Variants in OSBPL1A observed in about 807,000 individuals in gnomAD.
OSBPL1A encodes oxysterol-binding protein-related protein 1.
OSBPL1A carries 80 observed loss-of-function variants against 137.1 expected under a neutral mutation model. That is an observed-to-expected ratio of 0.58 (90% CI 0.49 to 0.70). OSBPL1A has a LOEUF of 0.70. Among genes scored for constraint, OSBPL1A ranks in the 30% least tolerant of loss-of-function variants. OSBPL1A has a pLI of 0.00. For missense variants in OSBPL1A, 970 were observed against 1,129.4 expected (o/e 0.86, Z 2.02); for synonymous variants, 365 against 389.7 (o/e 0.94, Z 0.75).
At chr18:24,224,051 T>C (rs1415433435) in intron 17 of OSBPL1A, among the ~76,000 whole-genome samples, 3 of 152,220 alleles carry the variant, frequency 2.0e-5, no homozygotes, top group African/African-American at 7.2e-5. Flanking sequence ...ATTATAAGCA[T>C]GTTTGGAGGA....
intron 1 of OSBPL1A, among the ~76,000 whole-genome samples, chr18:24,387,539 A>C (rs2144273090): frequency 6.6e-6 from 1 of 152,282 alleles, no homozygotes; most frequent in East Asian, 1.9e-4. Flanking sequence ...CAAAGAAAGA[A>C]ACTACTAATA....
At chr18:24,196,100 T>C (rs749331303) in intron 18 of OSBPL1A, 25 bp downstream of exon 18, 1 of 1,553,132 alleles carries the variant, frequency 6.4e-7, no homozygotes, top group South Asian at 1.1e-5. Flanking sequence ...CTGCTTAATA[T>C]CATATGACAA....
chr18:24,179,352 A>G (rs755484898), intron 20 of OSBPL1A: 2 of 164,086 alleles, frequency 1.2e-5, no homozygotes, highest in Non-Finnish European at 2.6e-5. Flanking sequence ...ATGACGAGTT[A>G]ATGGGTGCAG....
intron 2 of OSBPL1A, among the ~76,000 whole-genome samples, chr18:24,372,428 A>G (rs1275219561): frequency 6.6e-6 from 1 of 152,136 alleles, no homozygotes; most frequent in Non-Finnish European, 1.5e-5. Flanking sequence ...AGGGTTCCTC[A>G]ATGCTCAGAA....
chr18:24,333,307 C>A (rs2091117524), intron 6 of OSBPL1A, among the ~76,000 whole-genome samples: 1 of 152,290 alleles, frequency 6.6e-6, no homozygotes, highest in Admixed American at 6.5e-5. Context: ...GGGTCTCACA[C>A]TCCTCTGACA....
chr18:24,293,125 A>AAAAG (rs547691489), intron 14 of OSBPL1A, among the ~76,000 whole-genome samples: 2,152 of 78,964 alleles, frequency 0.027, 5 homozygotes, highest in Middle Eastern at 0.042. Context: ...AAAAAAAAAA[A>AAAAG]AAAGAAAAGA....
intron 18 of OSBPL1A, among the ~76,000 whole-genome samples, chr18:24,195,528 C>T (rs1054734359): frequency 3.3e-5 from 5 of 152,034 alleles, no homozygotes; most frequent in Admixed American, 2.0e-4. Context: ...CTTACATGTT[C>T]GGTGGTCCAA....
chr18:24,167,485 T>A, intron 24 of OSBPL1A, 40 bp from the exon 25 acceptor site: 1 of 1,526,814 alleles, frequency 6.5e-7, no homozygotes, highest in Non-Finnish European at 9.1e-7. Context: ...AAGTAGAAAG[T>A]TTTAAGATAC....
At position 24,180,596 on chromosome 18, in the gene OSBPL1A, C is replaced by T. The variant is rs189201865; in HGVS notation, c.1812+549G>A. On this transcript the variant is annotated intron_variant, in intron 19 of 27. Transcript: ENST00000319481. Reference sequence around the variant, plus strand: ...AACTAAAGATTTAGCAAAAGCCAGCCGGGCACGGTGGCTCATGCCTGTAAT... The same window carrying T: ...AACTAAAGATTTAGCAAAAGCCAGCTGGGCACGGTGGCTCATGCCTGTAAT... 9.5e-4 allele frequency among the ~76,000 whole-genome samples: 144 copies of T among 152,198 alleles called. 1 individual carries two copies. The highest frequency in any genetic ancestry group is 3.2e-3 in the African/African-American group (132 of 41,548).
At chr18:24,362,287 C>A (rs1568053989) in intron 4 of OSBPL1A, among the ~76,000 whole-genome samples, 2 of 152,008 alleles carry the variant, frequency 1.3e-5, no homozygotes, top group Non-Finnish European at 2.9e-5. Flanking sequence ...GCAAATCGAG[C>A]CATCTGCAGC....
chr18:24,257,537 C>T (rs773767398), intron 15 of OSBPL1A, among the ~76,000 whole-genome samples: 13 of 152,124 alleles, frequency 8.5e-5, no homozygotes, highest in Admixed American at 1.3e-4. Context: ...TACAAGGAAA[C>T]ACTAGGGAAA....
At chr18:24,177,865 T>G in intron 21 of OSBPL1A, 148 bp downstream of exon 21, 1 of 663,834 alleles carries the variant, frequency 1.5e-6, no homozygotes, top group Non-Finnish European at 2.4e-6. Flanking sequence ...GTTTCTCAAA[T>G]TCTTTTACAT....
At chr18:24,217,701 T>C (rs778163766) in intron 17 of OSBPL1A, among the ~76,000 whole-genome samples, 2 of 152,168 alleles carry the variant, frequency 1.3e-5, no homozygotes, top group Non-Finnish European at 2.9e-5. Context: ...GTCAGGCAAC[T>C]TTATCATGGA....
intron 17 of OSBPL1A, among the ~76,000 whole-genome samples, chr18:24,207,897 T>C (rs2087421595): frequency 6.6e-6 from 1 of 152,098 alleles, no homozygotes; most frequent in Admixed American, 6.5e-5. Flanking sequence ...AAGCGTGTGT[T>C]ACAACACTGG....
Position 24,228,929 on chromosome 18 carries a change from G to A in OSBPL1A, c.1445-3731C>T, listed in dbSNP as rs146798396. Among the ~76,000 whole-genome samples the A allele has an allele frequency of 4.8e-3, 728 of 152,268 alleles. 6 individuals are homozygous for A. Among genetic ancestry groups the A allele is most frequent in the African/African-American group, 1.0e-2 (415 of 41,554 alleles). On this transcript the variant is annotated intron_variant, in intron 16 of 27. Coordinates refer to ENST00000319481, the MANE Select transcript of OSBPL1A (RefSeq NM_080597.4). The stretch of plus-strand genomic sequence containing the variant: ...TAAAAAGCAAACACAGGCTGGGCGC[G>A]GTGGCTCACACCTGTAATCCCAGCA...
chr18:24,222,741 T>A (rs1000078924), intron 17 of OSBPL1A, among the ~76,000 whole-genome samples: 2 of 152,142 alleles, frequency 1.3e-5, no homozygotes, highest in Non-Finnish European at 2.9e-5. Context: ...AAAGTTAAGC[T>A]GGGATTTAAT....
intron 16 of OSBPL1A, among the ~76,000 whole-genome samples, chr18:24,234,890 T>C (rs2088411407): frequency 6.6e-6 from 1 of 152,090 alleles, no homozygotes; most frequent in Non-Finnish European, 1.5e-5. Flanking sequence ...TCAAATGAAG[T>C]GGAGGTTTGT....
intron 7 of OSBPL1A, among the ~76,000 whole-genome samples, chr18:24,320,327 G>C (rs961879240): frequency 7.2e-5 from 11 of 152,234 alleles, no homozygotes; most frequent in African/African-American, 2.6e-4. Flanking sequence ...AGATACAGCA[G>C]ACAATGAACC....
Position 24,178,204 on chromosome 18 carries a change from T to TA in OSBPL1A, c.1911-10_1911-9insT, listed in dbSNP as rs1567922699. ...TAAATCCAAGGTCATCTCTTAAGAT[T>TA]TAAAAAAAAAAAAAAAGAAAAAAAA... On this transcript the variant is annotated splice_polypyrimidine_tract_variant and intron_variant, in intron 20 of 27. Transcript: ENST00000319481. The TA allele has an allele frequency of 9.5e-6, 14 of 1,470,138 alleles. No individual in the cohort carries two copies. The highest frequency in any genetic ancestry group is 7.3e-5 in the South Asian group (5 of 68,696). The allele number at this position is 1,470,138 out of a possible 1,614,324, so 91.1% of individuals were successfully genotyped here. A position where few individuals can be genotyped will look rare whatever the true frequency, so the allele number is the denominator to read the frequency against.
Sources: allele counts gnomAD v4.1 joint callset (sites outside exome capture counted in the v4.1 genomes callset), GRCh38; gene constraint gnomAD v4.1.1; transcripts MANE v1.5; gene names NCBI Gene and HGNC (gene_info 2026-07-23, HGNC 2026-07-21).